The following ASB5 variants were observed in gnomAD, a reference collection of about 807,000 sequenced individuals.
ASB5 encodes ankyrin repeat and SOCS box containing 5, also known as ankyrin repeat and SOCS box protein 5.
Under a neutral mutation model 42.1 loss-of-function variants are expected in ASB5, and 45 were observed. The observed-to-expected ratio is 1.07, with a 90% confidence interval of 0.84 to 1.37. The LOEUF is 1.37. ASB5 is among the 40% of genes most tolerant of loss of function. The pLI, the probability that ASB5 is intolerant of heterozygous loss-of-function variation, is 0.00. For missense variants in ASB5, 402 were observed against 399.8 expected (o/e 1.01, Z -0.05); for synonymous variants, 147 against 150.6 (o/e 0.98, Z 0.18).
intron 1 of ASB5, among the ~76,000 whole-genome samples, chr4:176,249,945 G>A (rs1429889486): frequency 1.3e-5 from 2 of 151,498 alleles, no homozygotes; most frequent in East Asian, 1.9e-4. Flanking sequence ...GGCGCCTGTA[G>A]TCCCAGCTAC....
chr4:176,253,331 A>C (rs2126971316), intron 1 of ASB5, among the ~76,000 whole-genome samples: 1 of 152,358 alleles, frequency 6.6e-6, no homozygotes, highest in Non-Finnish European at 1.5e-5. Context: ...CAATTTATAA[A>C]GCACAACAGT....
intron 1 of ASB5, among the ~76,000 whole-genome samples, chr4:176,255,089 C>G (rs1322253880): frequency 6.6e-6 from 1 of 152,168 alleles, no homozygotes. Flanking sequence ...AAGATCATGC[C>G]ACTGCACTCC....
chr4:176,270,596 CT>C (rs371207060), upstream of ASB5, among the ~76,000 whole-genome samples: 51 of 152,182 alleles, frequency 3.4e-4, no homozygotes, highest in East Asian at 9.1e-3. Context: ...AAAATGGCCC[CT>C]GGTATCATTT....
chr4:176,270,478 T>A (rs539799941), upstream of ASB5, among the ~76,000 whole-genome samples: 28 of 152,204 alleles, frequency 1.8e-4, no homozygotes, highest in African/African-American at 6.0e-4. Context: ...AATAAATATG[T>A]CAAATAAAGC....
intron 1 of ASB5, among the ~76,000 whole-genome samples, chr4:176,226,962 T>A (rs1179291422): frequency 6.6e-6 from 1 of 152,232 alleles, no homozygotes; most frequent in African/African-American, 2.4e-5. Context: ...AAGCATTCTA[T>A]TGCCTGTTGC....
intron 1 of ASB5, among the ~76,000 whole-genome samples, chr4:176,245,993 A>C (rs4569710): frequency 0.72 from 109,946 of 151,668 alleles, 40,040 homozygotes; most frequent in African/African-American, 0.79. Flanking sequence ...ACTTGTATAC[A>C]TATGTAACAA....
rs141822144 is a variant in ASB5, at chr4:176,260,738, C to T, written c.196+8175G>A. ...CTGTTGCCAGGCTAGAGTTCAGTGGCGCAATCTCGGCTCACTGCAACTTCC... is the reference window on the plus strand; with the variant it reads ...CTGTTGCCAGGCTAGAGTTCAGTGGTGCAATCTCGGCTCACTGCAACTTCC... On this transcript the variant is annotated intron_variant, in intron 1 of 6. Transcript: ENST00000296525. Among the ~76,000 whole-genome samples, 1,265 of 152,228 alleles carry T rather than the reference C, an allele frequency of 8.3e-3. 7 individuals are homozygous for T. The highest frequency in any genetic ancestry group is 0.031 in the Middle Eastern group (9 of 294).
chr4:176,217,499 G>A (rs1753005857), intron 5 of ASB5, among the ~76,000 whole-genome samples: 1 of 151,932 alleles, frequency 6.6e-6, no homozygotes, highest in Non-Finnish European at 1.5e-5. Flanking sequence ...ATGAATATGT[G>A]AGCTATTTAG....
At chr4:176,258,783 C>T (rs572989102) in intron 1 of ASB5, among the ~76,000 whole-genome samples, 3 of 152,110 alleles carry the variant, frequency 2.0e-5, no homozygotes, top group African/African-American at 7.2e-5. Context: ...CCTACAAAAT[C>T]TCGATCACTG....
chr4:176,252,986 T>C (rs936109757), intron 1 of ASB5, among the ~76,000 whole-genome samples: 5 of 152,202 alleles, frequency 3.3e-5, no homozygotes, highest in Non-Finnish European at 5.9e-5. Context: ...AAATATAATG[T>C]ATTAGCATTA....
intron 1 of ASB5, among the ~76,000 whole-genome samples, chr4:176,265,256 A>C (rs577805253): frequency 6.6e-6 from 1 of 152,140 alleles, no homozygotes; most frequent in South Asian, 2.1e-4. Flanking sequence ...CCAACAGTCC[A>C]TGTGCACCCA....
intron 1 of ASB5, among the ~76,000 whole-genome samples, chr4:176,236,343 T>C (rs1474282931): frequency 6.6e-6 from 1 of 152,180 alleles, no homozygotes; most frequent in African/African-American, 2.4e-5. Context: ...AGACTACTTA[T>C]TGCTGCTCCC....
intron 1 of ASB5, among the ~76,000 whole-genome samples, chr4:176,249,894 T>C (rs1579328929): frequency 6.7e-6 from 1 of 148,820 alleles, no homozygotes; most frequent in East Asian, 2.0e-4. Context: ...TGAAACCCCG[T>C]CTCTACTAAA....
rs996613212 is a variant in ASB5, at chr4:176,221,560, T to C, written c.425A>G (p.Asn142Ser). The change falls in exon 4 of 7, where the codon AAC becomes AGC. Residue 142 changes from asparagine (N) to serine (S), a missense_variant. By Grantham distance (46) the Asn-to-Ser change is conservative (BLOSUM62 1). Transcript: ENST00000296525. ...GCTTGGACTGCCTTGGGAGCATGCGTTGAATAACGGAGTCACGCCATCTAT... is the reference window on the plus strand; with the variant it reads ...GCTTGGACTGCCTTGGGAGCATGCGCTGAATAACGGAGTCACGCCATCTAT... The part of the protein sequence containing the change: ...ITIDGVTPLF[N>S]ACSQGSPSCA... The C allele has an allele frequency of 9.9e-6, 16 of 1,613,626 alleles. No individual in the cohort carries two copies. Among genetic ancestry groups the C allele is most frequent in the Non-Finnish European group, 1.3e-5 (15 of 1,179,776 alleles).
In ASB5 at chr4:176,221,572, G is replaced by C. The variant is rs963260051; in HGVS notation, c.413C>G (p.Thr138Ser). Residue 138 changes from threonine to serine, a missense_variant, in exon 4 of 7, where the codon ACT becomes AGT. Physicochemically the swap from Thr to Ser is moderately conservative, Grantham distance 58. Coordinates refer to ENST00000296525, the MANE Select transcript of ASB5 (RefSeq NM_080874.4). Reference protein sequence around the residue: ...NVNAITIDGVTPLFNACSQGS... With the variant: ...NVNAITIDGVSPLFNACSQGS... ...TTGGGAGCATGCGTTGAATAACGGA[G>C]TCACGCCATCTATCGTGATTGCATT... 2.5e-6 allele frequency: 4 copies of C among 1,613,280 alleles called. No individual in the cohort carries two copies. The highest frequency in any genetic ancestry group is 2.5e-6 in the Non-Finnish European group (3 of 1,179,510).
chr4:176,241,445 C>T (rs1753809802), intron 1 of ASB5: 1 of 1,523,696 alleles, frequency 6.6e-7, no homozygotes, highest in Non-Finnish European at 8.8e-7. Flanking sequence ...CAGAGAAATC[C>T]TAAGGTTTTC....
At chr4:176,226,615 C>A (rs1753385954) in intron 1 of ASB5, among the ~76,000 whole-genome samples, 1 of 152,094 alleles carries the variant, frequency 6.6e-6, no homozygotes, top group South Asian at 2.1e-4. Flanking sequence ...TCTGGAGAAC[C>A]CTGACTAATA....
intron 6 of ASB5, among the ~76,000 whole-genome samples, chr4:176,216,353 A>T (rs1752968706): frequency 6.6e-6 from 1 of 151,726 alleles, no homozygotes; most frequent in Non-Finnish European, 1.5e-5. Context: ...TAAAATTATC[A>T]TTTTTTTTCT....
At chr4:176,243,077 C>G (rs1753841909) in intron 1 of ASB5, among the ~76,000 whole-genome samples, 1 of 152,250 alleles carries the variant, frequency 6.6e-6, no homozygotes, top group Non-Finnish European at 1.5e-5. Flanking sequence ...CAACTAGTCC[C>G]ACAAAGTTGA....
Sources: allele counts gnomAD v4.1 joint callset (sites outside exome capture counted in the v4.1 genomes callset), GRCh38; gene constraint gnomAD v4.1.1; transcripts MANE v1.5; gene names NCBI Gene and HGNC (gene_info 2026-07-23, HGNC 2026-07-21).